Variants in CCDC148 observed in about 807,000 individuals in gnomAD.
The protein encoded by CCDC148 is coiled-coil domain containing 148.
A neutral mutation model predicts 85.7 loss-of-function variants in CCDC148; 89 were observed. The ratio of observed to expected loss-of-function variants is 1.04; its 90% confidence interval spans 0.87 to 1.24. CCDC148 has a LOEUF of 1.24. Ranked by LOEUF, CCDC148 falls within the 50% of genes most tolerant of loss-of-function variation. The pLI is 0.00. For synonymous variants in CCDC148, 230 were observed against 213.9 expected (o/e 1.08, Z -0.66); for missense variants, 692 against 671.7 (o/e 1.03, Z -0.33).
rs546182789 is a variant in CCDC148, at chr2:158,449,040, C to A, written c.25+7375G>T. Among the ~76,000 whole-genome samples, 4 of 151,952 alleles carry A rather than the reference C, an allele frequency of 2.6e-5. No individual in the cohort carries two copies. The East Asian group carries it at 7.8e-4, about 30-fold the overall frequency. On this transcript the variant is annotated intron_variant, in intron 1 of 13. Coordinates refer to ENST00000283233, the MANE Select transcript of CCDC148 (RefSeq NM_138803.4). Reference sequence around the variant, plus strand: ...ACAGCATTTCACCATGTTGGCCAGGCTGCTCTTGAACTTCTGACTTTGTGA... The same window carrying A: ...ACAGCATTTCACCATGTTGGCCAGGATGCTCTTGAACTTCTGACTTTGTGA...
chr2:158,323,919 CTT>C (rs777356867), intron 7 of CCDC148, among the ~76,000 whole-genome samples: 10 of 82,964 alleles, frequency 1.2e-4, no homozygotes, highest in South Asian at 4.5e-4. Flanking sequence ...CTGGGAATAA[CTT>C]TTTTTTTTTT....
rs1015629615 is a variant in CCDC148 at position 158,360,574 on chromosome 2, CA to C, written c.26-2005del. 2.1e-4 allele frequency among the ~76,000 whole-genome samples: 32 copies of C among 152,110 alleles called. 1 individual carries two copies. Among genetic ancestry groups the C allele is most frequent in the African/African-American group, 7.7e-4 (32 of 41,426 alleles). On this transcript the variant is annotated intron_variant, in intron 1 of 13. Transcript: ENST00000283233. ...CCAGCAAACTCTAGCAGACCTGCAG[CA>C]GAGGGGCCTGACTGTTAGAAGGAAA...
At chr2:158,395,456 A>G (rs541467273) in intron 1 of CCDC148, among the ~76,000 whole-genome samples, 1 of 152,158 alleles carries the variant, frequency 6.6e-6, no homozygotes, top group South Asian at 2.1e-4. Context: ...CTGCTTGAGC[A>G]GGCACCTACA....
intron 1 of CCDC148, among the ~76,000 whole-genome samples, chr2:158,444,783 T>C (rs1414721151): frequency 1.2e-5 from 1 of 84,672 alleles, no homozygotes; most frequent in Non-Finnish European, 2.6e-5. Context: ...AGACCCTGTC[T>C]TGAAAAAAAA....
At chr2:158,304,121 T>G (rs1691573964) in intron 9 of CCDC148, among the ~76,000 whole-genome samples, 1 of 152,084 alleles carries the variant, frequency 6.6e-6, no homozygotes, top group African/African-American at 2.4e-5. Context: ...AAACACAGTC[T>G]TGGTTCAAAA....
intron 9 of CCDC148, among the ~76,000 whole-genome samples, chr2:158,295,451 T>A (rs1399871569): frequency 1.3e-5 from 2 of 151,978 alleles, no homozygotes; most frequent in Non-Finnish European, 2.9e-5. Flanking sequence ...ATATCCTTGA[T>A]GAACACTGAC....
At chr2:158,219,696 C>T (rs909504855) in intron 11 of CCDC148, among the ~76,000 whole-genome samples, 1 of 152,216 alleles carries the variant, frequency 6.6e-6, no homozygotes, top group East Asian at 1.9e-4. Flanking sequence ...GGCCTGCCTG[C>T]ATCCAAGTTG....
chr2:158,355,193 A>G (rs996088935), intron 2 of CCDC148, among the ~76,000 whole-genome samples: 17 of 151,902 alleles, frequency 1.1e-4, no homozygotes, highest in African/African-American at 3.4e-4. Flanking sequence ...CTCTCTCACC[A>G]CTCCTATTCA....
intron 1 of CCDC148, among the ~76,000 whole-genome samples, chr2:158,377,442 T>C (rs186389845): frequency 6.6e-6 from 1 of 152,208 alleles, no homozygotes; most frequent in African/African-American, 2.4e-5. Flanking sequence ...CACTTGTTAC[T>C]GGCAGTCAAA....
At position 158,404,080 on chromosome 2, in the gene CCDC148, AAAAG is replaced by A. The variant is rs1685898962; in HGVS notation, c.26-45514_26-45511del. Among the ~76,000 whole-genome samples the A allele has an allele frequency of 3.3e-5, 5 of 152,290 alleles. No individual in the cohort carries two copies. The South Asian group carries it at 1.0e-3, about 32-fold the overall frequency. ...GAAGAGTTATGCTCTGTGCAGTAATAAAAGAAATAATATAGGCAAAGACCTTAAC... is the reference window on the plus strand; with the variant it reads ...GAAGAGTTATGCTCTGTGCAGTAATAAAATAATATAGGCAAAGACCTTAAC... On this transcript the variant is annotated intron_variant, in intron 1 of 13. Transcript: ENST00000283233.
At chr2:158,261,447 A>G (rs1689218178) in intron 9 of CCDC148, among the ~76,000 whole-genome samples, 1 of 152,132 alleles carries the variant, frequency 6.6e-6, no homozygotes, top group South Asian at 2.1e-4. Flanking sequence ...ACCATCCTGC[A>G]CATAGGAATG....
chr2:158,175,487 G>A (rs1684535312), intron 13 of CCDC148, among the ~76,000 whole-genome samples: 1 of 151,642 alleles, frequency 6.6e-6, no homozygotes, highest in African/African-American at 2.4e-5. Context: ...TTCTTCCTAG[G>A]GCAACCCTTA....
At position 158,280,719 on chromosome 2, in the gene CCDC148, G is replaced by A. The variant is rs549192801; in HGVS notation, c.1110+28714C>T. Among the ~76,000 whole-genome samples the A allele has an allele frequency of 7.8e-4, 118 of 152,186 alleles. 1 individual carries two copies. The highest frequency in any genetic ancestry group is 2.5e-3 in the African/African-American group (104 of 41,520). Reference sequence around the variant, plus strand: ...CACTGTCAACATTAGACAGATCAACGAGACAGAAAGTCAACAAGGATACCC... The same window carrying A: ...CACTGTCAACATTAGACAGATCAACAAGACAGAAAGTCAACAAGGATACCC... On this transcript the variant is annotated intron_variant, in intron 9 of 13. Transcript: ENST00000283233.
At chr2:158,283,893 T>C (rs1324129306) in intron 9 of CCDC148, among the ~76,000 whole-genome samples, 12 of 151,836 alleles carry the variant, frequency 7.9e-5, no homozygotes, top group Admixed American at 7.2e-4. Flanking sequence ...CCAACAATGA[T>C]AGACTGGATT....
intron 1 of CCDC148, among the ~76,000 whole-genome samples, chr2:158,400,310 A>G (rs971711213): frequency 3.3e-5 from 5 of 152,186 alleles, no homozygotes; most frequent in Non-Finnish European, 5.9e-5. Flanking sequence ...TTCAAACTAT[A>G]CTACAAGGCT....
At chr2:158,294,451 G>A (rs1354718255) in intron 9 of CCDC148, among the ~76,000 whole-genome samples, 25 of 152,124 alleles carry the variant, frequency 1.6e-4, no homozygotes, top group Admixed American at 1.6e-3. Context: ...CCCATGAGTA[G>A]GATTGCTGGG....
intron 1 of CCDC148, among the ~76,000 whole-genome samples, chr2:158,384,003 C>T (rs1396770084): frequency 6.6e-6 from 1 of 152,068 alleles, no homozygotes; most frequent in Non-Finnish European, 1.5e-5. Context: ...GATTACATGC[C>T]AGTTATTTTG....
intron 9 of CCDC148, among the ~76,000 whole-genome samples, chr2:158,283,408 A>C (rs1222200948): frequency 1.4e-4 from 22 of 152,212 alleles, no homozygotes; most frequent in Non-Finnish European, 4.4e-5. Flanking sequence ...TCCAGAATCT[A>C]CAAAGAACTC....
At position 158,176,513 on chromosome 2, in the gene CCDC148, A is replaced by G. The variant is rs1452678973; in HGVS notation, c.1629+8T>C. 1.2e-6 allele frequency: 2 copies of G among 1,609,112 alleles called. No homozygotes were observed. The highest frequency in any genetic ancestry group is 1.3e-5 in the African/African-American group (1 of 74,796). On this transcript the variant is annotated splice_region_variant and intron_variant, in intron 13 of 13. Coordinates refer to ENST00000283233, the MANE Select transcript of CCDC148 (RefSeq NM_138803.4). ...TTTTTCATCAGTCATGCTAATTTCC[A>G]TAATTACCTGCTGTTCATTGTATGT...
Sources: allele counts gnomAD v4.1 joint callset (sites outside exome capture counted in the v4.1 genomes callset), GRCh38; gene constraint gnomAD v4.1.1; transcripts MANE v1.5; gene names NCBI Gene and HGNC (gene_info 2026-07-23, HGNC 2026-07-21).